Variants in CDK5RAP2 observed in about 807,000 individuals in gnomAD.
CDK5RAP2 encodes the protein CDK5 regulatory subunit associated protein 2.
In CDK5RAP2, 147 loss-of-function variants were observed where a neutral mutation model predicts 232.9. The observed-to-expected ratio is 0.63, with a 90% CI of 0.55 to 0.72. The LOEUF (loss-of-function observed/expected upper bound fraction) is 0.72. Among genes scored for constraint, CDK5RAP2 ranks in the 30% least tolerant of loss-of-function variants. The pLI, the probability that CDK5RAP2 is intolerant of heterozygous loss-of-function variation, is 0.00. For missense variants in CDK5RAP2, 2,195 were observed against 2,231.5 expected (o/e 0.98, Z 0.33); for synonymous variants, 833 against 833.7 (o/e 1.00, Z 0.01).
chr9:120,559,045 G>A (rs1588654673), intron 3 of CDK5RAP2, among the ~76,000 whole-genome samples: 1 of 152,230 alleles, frequency 6.6e-6, no homozygotes, highest in South Asian at 2.1e-4. Flanking sequence ...TTTACTAGCT[G>A]TATGGCCTTA....
chr9:120,546,987 GTT>G (rs34579024), intron 4 of CDK5RAP2, among the ~76,000 whole-genome samples: 1 of 151,054 alleles, frequency 6.6e-6, no homozygotes. Flanking sequence ...TTGTTTTTTC[GTT>G]TTTTTTGTTT....
intron 19 of CDK5RAP2, 132 bp from the exon 20 acceptor site, chr9:120,458,754 A>G (rs1423545370): frequency 1.3e-6 from 1 of 790,412 alleles, no homozygotes; most frequent in East Asian, 2.6e-5. Context: ...AGAGAAACAG[A>G]AAAGAAAAGG....
intron 12 of CDK5RAP2, 86 bp downstream of exon 12, chr9:120,518,341 G>T: frequency 9.4e-7 from 1 of 1,061,458 alleles, no homozygotes; most frequent in Non-Finnish European, 1.5e-6. Context: ...TAAGTCTTCT[G>T]TACTGAATAT....
rs766530370 is a variant in CDK5RAP2 at position 120,539,039 on chromosome 9, G to A, written c.507+2C>T. On this transcript the variant is annotated splice_donor_variant, in intron 6 of 37. Transcript: ENST00000349780. LOFTEE classifies it low-confidence loss of function (GC_TO_GT_DONOR). ...CACTGCCCTCAGGATTTCCAGACTT[G>A]CCTTTTCCAAAAGGAGTATTCTTTT... is the stretch of plus-strand genomic sequence containing the variant. The A allele has an allele frequency of 6.2e-7, 1 of 1,613,710 alleles. No individual in the cohort carries two copies. The highest frequency in any genetic ancestry group is 8.5e-7 in the Non-Finnish European group (1 of 1,179,762).
intron 3 of CDK5RAP2, among the ~76,000 whole-genome samples, chr9:120,567,440 T>TA (rs1271907119): frequency 1.3e-5 from 2 of 152,228 alleles, no homozygotes; most frequent in African/African-American, 2.4e-5. Context: ...TTCTCTCTGT[T>TA]AAGTATCTCT....
In CDK5RAP2 at chr9:120,546,337, G is replaced by A. The variant is rs537996907; in HGVS notation, c.307-547C>T. Among the ~76,000 whole-genome samples, 14 of 152,334 alleles carry A rather than the reference G, an allele frequency of 9.2e-5. No individual in the cohort carries two copies. In the South Asian group the frequency reaches 2.9e-3, roughly 32 times the overall value. The stretch of plus-strand genomic sequence containing the variant: ...TTAAAGCTACAACCACATGGGGCAA[G>A]CTGTCTATAAGGAGCACCGCAATGT... On this transcript the variant is annotated intron_variant, in intron 4 of 37. Transcript: ENST00000349780.
At chr9:120,479,080 C>T (rs1219628978) in intron 14 of CDK5RAP2, among the ~76,000 whole-genome samples, 2 of 152,084 alleles carry the variant, frequency 1.3e-5, no homozygotes, top group African/African-American at 2.4e-5. Flanking sequence ...GAAAGGCTCC[C>T]ACAAGCCAAA....
Position 120,539,026 on chromosome 9 carries a change from G to C in CDK5RAP2, c.507+15C>G. The C allele has an allele frequency of 6.2e-7, 1 of 1,613,642 alleles. No individual in the cohort carries two copies. Among genetic ancestry groups the C allele is most frequent in the Non-Finnish European group, 8.5e-7 (1 of 1,179,592 alleles). The stretch of plus-strand genomic sequence containing the variant: ...ACTATAAGAAATACACTGCCCTCAG[G>C]ATTTCCAGACTTGCCTTTTCCAAAA... On this transcript the variant is annotated intron_variant, in intron 6 of 37. Coordinates refer to ENST00000349780, the MANE Select transcript of CDK5RAP2 (RefSeq NM_018249.6).
intron 12 of CDK5RAP2, among the ~76,000 whole-genome samples, chr9:120,499,446 T>C (rs746422850): frequency 6.6e-6 from 1 of 152,158 alleles, no homozygotes; most frequent in Non-Finnish European, 1.5e-5. Context: ...CACATGATTA[T>C]AGATGATTTT....
chr9:120,501,128 C>CA (rs1401930632), intron 12 of CDK5RAP2, among the ~76,000 whole-genome samples: 3 of 152,324 alleles, frequency 2.0e-5, no homozygotes, highest in Non-Finnish European at 4.4e-5. Flanking sequence ...GCTAGACCCC[C>CA]CTGACCTCGC....
chr9:120,425,357 C>T (rs1446950943), intron 25 of CDK5RAP2, among the ~76,000 whole-genome samples: 1 of 152,182 alleles, frequency 6.6e-6, no homozygotes, highest in Non-Finnish European at 1.5e-5. Context: ...GTGGAAACTG[C>T]CCTCACACAG....
intron 12 of CDK5RAP2, among the ~76,000 whole-genome samples, chr9:120,508,591 C>G (rs563689310): frequency 3.9e-5 from 6 of 152,312 alleles, no homozygotes; most frequent in Non-Finnish European, 5.9e-5. Flanking sequence ...CTTCTCCAGC[C>G]CCACTCACTG....
At chr9:120,421,492 A>G (rs796350112) in intron 26 of CDK5RAP2, among the ~76,000 whole-genome samples, 13 of 152,292 alleles carry the variant, frequency 8.5e-5, no homozygotes, top group African/African-American at 2.9e-4. Flanking sequence ...CACTCGCTCT[A>G]ACGATGCAAG....
chr9:120,515,236 GC>G (rs1424005275), intron 12 of CDK5RAP2, among the ~76,000 whole-genome samples: 2 of 152,094 alleles, frequency 1.3e-5, no homozygotes, highest in African/African-American at 4.8e-5. Context: ...GAAACATGCA[GC>G]TCTATAAATG....
At chr9:120,574,841 A>G (rs199499253) in intron 1 of CDK5RAP2, among the ~76,000 whole-genome samples, 4 of 112,544 alleles carry the variant, frequency 3.6e-5, no homozygotes, top group African/African-American at 1.4e-4. Context: ...TTTTTTTTTA[A>G]TGAGGAAACA....
intron 1 of CDK5RAP2, among the ~76,000 whole-genome samples, chr9:120,576,008 C>T (rs2043019251): frequency 6.6e-6 from 1 of 152,166 alleles, no homozygotes; most frequent in African/African-American, 2.4e-5. Flanking sequence ...ATATTATTAC[C>T]CTTCATCCTT....
chr9:120,453,490 G>A lies in CDK5RAP2; in HGVS notation c.2759C>T (p.Ala920Val), dbSNP rs150594072. Residue 920 changes from alanine to valine, a missense_variant, in exon 21 of 38, where the codon GCT (alanine) becomes GTT (valine). Physicochemically the swap from Ala to Val is moderately conservative, Grantham distance 64. Transcript: ENST00000349780. The part of the protein sequence containing the change: ...ENLHGVPGWQ[A>V]ALLSLPGITN... ...AATACCAGGGAGGGAAAGGAGGGCAGCCTGCCACCCAGGCACCCCGTGCAG... is the reference window on the plus strand; with the variant it reads ...AATACCAGGGAGGGAAAGGAGGGCAACCTGCCACCCAGGCACCCCGTGCAG... 3 of 1,612,728 alleles carry A rather than the reference G, an allele frequency of 1.9e-6. No homozygotes were observed. The African/African-American group carries it at 4.0e-5, about 22-fold the overall frequency.
chr9:120,521,448 GCAGGTTTTTCC>G (rs1286434441), intron 11 of CDK5RAP2, among the ~76,000 whole-genome samples: 1 of 152,036 alleles, frequency 6.6e-6, no homozygotes, highest in Admixed American at 6.6e-5. Context: ...AATCATGGGG[GCAGGTTTTTCC>G]CATGCTGTTC....
At position 120,528,778 on chromosome 9, in the gene CDK5RAP2, T is replaced by C; in HGVS notation, c.845A>G (p.Gln282Arg). 1.2e-6 allele frequency: 2 copies of C among 1,610,060 alleles called. No individual in the cohort carries two copies. The highest frequency in any genetic ancestry group is 1.7e-6 in the Non-Finnish European group (2 of 1,176,214). The part of the protein sequence containing the change: ...RETEAAQMEH[Q>R]KERNSFEERI... Reference sequence around the variant, plus strand: ...CTCTTCAAAGCTGTTTCTCTCCTTCTGATGCTCCATTTGTGCAGCCTAAGA... The same window carrying C: ...CTCTTCAAAGCTGTTTCTCTCCTTCCGATGCTCCATTTGTGCAGCCTAAGA... The change falls in exon 9 of 38, where the codon CAG (glutamine) becomes CGG (arginine). Residue 282 changes from glutamine to arginine, a missense_variant. By Grantham distance (43) the Gln-to-Arg change is conservative. Transcript: ENST00000349780.
Sources: gnomAD v4.1 joint callset for allele counts (sites outside exome capture counted in the v4.1 genomes callset) on GRCh38, gnomAD v4.1.1 for gene constraint, MANE v1.5 for transcripts, NCBI Gene and HGNC (gene_info 2026-07-23, HGNC 2026-07-21) for gene names.